The following DCST2 variants were observed in gnomAD, a reference collection of about 807,000 sequenced individuals.
The protein encoded by DCST2 is DC-STAMP domain containing 2.
A neutral mutation model predicts 81.8 loss-of-function variants in DCST2; 64 were observed. That is an observed-to-expected ratio of 0.78 (90% CI 0.64 to 0.96). The LOEUF (loss-of-function observed/expected upper bound fraction) is 0.96, where lower values mean the gene tolerates loss of function less well. Ranked by LOEUF, DCST2 falls within the 40% of genes least tolerant of loss-of-function variation. The probability of loss-of-function intolerance (pLI) is 0.00; values close to 1 mark genes in which losing one functional copy is unlikely to be tolerated. For missense variants in DCST2, 945 were observed against 1,001.4 expected (o/e 0.94, Z 0.76); for synonymous variants, 354 against 402.6 (o/e 0.88, Z 1.44).
At chr1:155,026,196 G>T in intron 10 of DCST2, 106 bp downstream of exon 10, 1 of 1,017,714 alleles carries the variant, frequency 9.8e-7, no homozygotes, top group East Asian at 2.6e-5. Context: ...AGGAGAGCGG[G>T]CTGGGGCTGC....
At chr1:155,032,810 T>C in intron 2 of DCST2, 42 bp from the exon 3 acceptor site, 1 of 1,557,206 alleles carries the variant, frequency 6.4e-7, no homozygotes, top group Non-Finnish European at 8.9e-7. Context: ...TCTTCTCCTC[T>C]AGGGGCTGGT....
intron 4 of DCST2, 59 bp downstream of exon 4, chr1:155,031,515 T>TCCCCCCCCCCCCCCCCCC: frequency 7.8e-6 from 5 of 643,126 alleles, no homozygotes; most frequent in Non-Finnish European, 1.5e-5. Flanking sequence ...ACCCCCACAT[T>TCCCCCCCCCCCCCCCCCC]CCCACCCCAC....
Position 155,023,213 on chromosome 1 carries a change from G to A in DCST2, c.2009C>T (p.Ala670Val), listed in dbSNP as rs776158967. 23 of 1,614,044 alleles carry A rather than the reference G, an allele frequency of 1.4e-5. No individual in the cohort carries two copies. The Admixed American group carries it at 3.8e-4, about 27-fold the overall frequency. ...TGCCTGCTCAGGGTCCTTCCTTTGA[G>A]CTGCAGCCAGCCATAGCTGAGGGCC... The part of the protein sequence containing the change: ...EEGPQLWLAA[A>V]QRKDPEQAWL... Residue 670 changes from alanine (A) to valine (V), a missense_variant, in exon 14 of 15, where the codon GCT becomes GTT. By Grantham distance (64) the Ala-to-Val change is moderately conservative. Coordinates refer to ENST00000368424, the MANE Select transcript of DCST2 (RefSeq NM_144622.3).
chr1:155,031,351 T>C (rs1660070832), intron 4 of DCST2, 117 bp from the exon 5 acceptor site: 1 of 1,178,736 alleles, frequency 8.5e-7, no homozygotes, highest in South Asian at 1.6e-5. Context: ...CCTCCACATT[T>C]GCTCAAAACC....
In DCST2 at chr1:155,023,349, C is replaced by CA. The variant is rs1311272865; in HGVS notation, c.1964+14dup. 6.2e-7 allele frequency: 1 copy of CA among 1,609,204 alleles called. No individual in the cohort carries two copies. The highest frequency in any genetic ancestry group is 2.2e-5 in the East Asian group (1 of 44,752). On this transcript the variant is annotated intron_variant, in intron 13 of 14. Transcript: ENST00000368424. ...CCTACAGACTCCAGCCACCCCATGTCACTGAAAGACTCACAGCTCCAGGTC... is the reference window on the plus strand; with the variant it reads ...CCTACAGACTCCAGCCACCCCATGTCAACTGAAAGACTCACAGCTCCAGGTC...
In DCST2 at chr1:155,030,380, T is replaced by TGGCCCTGCACCCCC. The variant is rs1329771138; in HGVS notation, c.1019+38_1019+51dup. ...AGAAATGAGCTGCTCCCTGCAGCCC[T>TGGCCCTGCACCCCC]GGCCCTGCACCCCCGGCCCTGCATC... On this transcript the variant is annotated intron_variant, in intron 6 of 14. Transcript: ENST00000368424. 1,278 of 1,601,678 alleles carry TGGCCCTGCACCCCC rather than the reference T, an allele frequency of 8.0e-4. 3 individuals carry two copies. Among genetic ancestry groups the TGGCCCTGCACCCCC allele is most frequent in the Non-Finnish European group, 1.0e-3 (1,208 of 1,173,004 alleles).
intron 11 of DCST2, 56 bp from the exon 12 acceptor site, chr1:155,024,015 C>A: frequency 1.3e-6 from 2 of 1,567,458 alleles, no homozygotes; most frequent in East Asian, 2.3e-5. Flanking sequence ...TAACCCTCCC[C>A]ACTCCAGCAC....
rs1471930972 is a variant in DCST2 at position 155,030,649 on chromosome 1, G to C, written c.806-4C>G. The C allele has an allele frequency of 6.2e-7, 1 of 1,613,974 alleles. No individual in the cohort carries two copies. Among genetic ancestry groups the C allele is most frequent in the South Asian group, 1.1e-5 (1 of 91,076 alleles). On this transcript the variant is annotated splice_polypyrimidine_tract_variant and splice_region_variant and intron_variant, in intron 5 of 14. Transcript: ENST00000368424. The stretch of plus-strand genomic sequence containing the variant: ...CGGTTGAGCAACTGAATCACGGCTG[G>C]GGCCAGCAGGTTCAGGGGAGACGTG...
chr1:155,029,383 A>T lies in DCST2; in HGVS notation c.1192T>A (p.Ser398Thr), dbSNP rs775389496. The T allele has an allele frequency of 5.8e-5, 94 of 1,613,910 alleles. 1 individual carries two copies. The East Asian group carries it at 2.1e-3, about 36-fold the overall frequency. Residue 398 changes from serine (S) to threonine (T), a missense_variant, in exon 8 of 15, where the codon TCC becomes ACC. Physicochemically the swap from Ser to Thr is moderately conservative, Grantham distance 58. Coordinates refer to ENST00000368424, the MANE Select transcript of DCST2 (RefSeq NM_144622.3). ...ATGTAAAAAAACTTCTCCCATTGGG[A>T]CAAGAAGATGGAGCCTGAGCAGGAG... ...RYIPPGSIFL[S>T]QWEKFFYILE...
intron 4 of DCST2, 55 bp downstream of exon 4, chr1:155,031,519 A>ACCCCCCCCCCCCC: frequency 2.4e-6 from 1 of 412,712 alleles, no homozygotes; most frequent in Non-Finnish European, 4.4e-6. Flanking sequence ...CCACATTCCC[A>ACCCCCCCCCCCCC]CCCCACCCCA....
Position 155,031,071 on chromosome 1 carries a change from T to A in DCST2, c.805+98A>T, listed in dbSNP as rs1245347632. Reference sequence around the variant, plus strand: ...CCCTTTCTTTCTCTTACATTCTCCTTTATGGGCTGGGAGCACTGGGGGCTG... The same window carrying A: ...CCCTTTCTTTCTCTTACATTCTCCTATATGGGCTGGGAGCACTGGGGGCTG... On this transcript the variant is annotated intron_variant, in intron 5 of 14. Coordinates refer to ENST00000368424, the MANE Select transcript of DCST2 (RefSeq NM_144622.3). 1.8e-4 allele frequency: 232 copies of A among 1,290,924 alleles called. 1 individual carries two copies. The highest frequency in any genetic ancestry group is 2.3e-5 in the Non-Finnish European group (21 of 931,368). The allele number at this position is 1,290,924 out of a possible 1,614,324, so 80.0% of individuals were successfully genotyped here.
Position 155,018,776 on chromosome 1 carries a change from AG to A in DCST2, c.2106-17del. On this transcript the variant is annotated splice_polypyrimidine_tract_variant and intron_variant, in intron 14 of 14. Coordinates refer to ENST00000368424, the MANE Select transcript of DCST2 (RefSeq NM_144622.3). ...ATCCAGGTCACTAGTGAGGAGAGGA[AG>A]GGGGTGGCCGGATCACCCACCTTCT... 1 of 1,609,738 alleles carries A rather than the reference AG, an allele frequency of 6.2e-7. No homozygotes were observed. Among genetic ancestry groups the A allele is most frequent in the Non-Finnish European group, 8.5e-7 (1 of 1,178,772 alleles).
Position 155,026,353 on chromosome 1 carries a change from G to A in DCST2, c.1560C>T (p.Val520=). The change falls in exon 10 of 15, where the codon GTC becomes GTT. Residue 520 remains valine, a synonymous_variant. Coordinates refer to ENST00000368424, the MANE Select transcript of DCST2 (RefSeq NM_144622.3). ...CFFITLFGSY[V]SRLRRVICAS... is the part of the protein sequence containing the mutation. ...CACAGATGACTCGCCGCAGCCGGCT[G>A]ACATAGCTGCCAAACAGGGTGATGA... The A allele has an allele frequency of 6.2e-7, 1 of 1,613,866 alleles. No individual in the cohort carries two copies. The highest frequency in any genetic ancestry group is 8.5e-7 in the Non-Finnish European group (1 of 1,180,022).
At chr1:155,028,328 C>T (rs1571548344) in intron 8 of DCST2, among the ~76,000 whole-genome samples, 1 of 152,128 alleles carries the variant, frequency 6.6e-6, no homozygotes, top group Non-Finnish European at 1.5e-5. Flanking sequence ...CAGTGGCTCA[C>T]GCCTGTAATA....
intron 14 of DCST2, among the ~76,000 whole-genome samples, chr1:155,022,294 A>G (rs1352552927): frequency 6.6e-6 from 1 of 152,114 alleles, no homozygotes. Flanking sequence ...GCATTCTCTG[A>G]GGTCTCTACC....
chr1:155,029,472 C>T (rs1558101312), intron 7 of DCST2, 75 bp from the exon 8 acceptor site: 1 of 1,455,756 alleles, frequency 6.9e-7, no homozygotes, highest in Non-Finnish European at 9.5e-7. Context: ...TTGGAGAGGC[C>T]TCCTGCCCCT....
At chr1:155,026,129 C>A (rs1167216029) in intron 10 of DCST2, among the ~76,000 whole-genome samples, 173 bp downstream of exon 10, 1 of 152,012 alleles carries the variant, frequency 6.6e-6, no homozygotes, top group East Asian at 1.9e-4. Flanking sequence ...TTTCTCCCAG[C>A]CCCATCTTGG....
Position 155,033,209 on chromosome 1 carries a change from A to G in DCST2, c.324T>C (p.Pro108=). Reference sequence around the variant, plus strand: ...TGAAGTTGCGTAGAGTGTTGGCACAAGGCCCTTGAAGCACCAACCCAAAAG... The same window carrying G: ...TGAAGTTGCGTAGAGTGTTGGCACAGGGCCCTTGAAGCACCAACCCAAAAG... The part of the protein sequence containing the change: ...VAAFGLVLQG[P]CANTLRNFTR... Residue 108 remains proline (P), a synonymous_variant, in exon 2 of 15, where the codon CCT becomes CCC. Transcript: ENST00000368424. The G allele has an allele frequency of 6.2e-7, 1 of 1,614,030 alleles. No individual in the cohort carries two copies.
intron 14 of DCST2, among the ~76,000 whole-genome samples, chr1:155,022,156 C>T (rs542124815): frequency 2.2e-4 from 33 of 152,254 alleles, no homozygotes; most frequent in Middle Eastern, 3.4e-3. Context: ...CATGAGCCAC[C>T]GTGCCCGGCC....
Sources: gnomAD v4.1 joint callset for allele counts (sites outside exome capture counted in the v4.1 genomes callset) on GRCh38, gnomAD v4.1.1 for gene constraint, MANE v1.5 for transcripts, NCBI Gene and HGNC (gene_info 2026-07-23, HGNC 2026-07-21) for gene names.